Variants in IL1RAPL2 observed in about 807,000 individuals in gnomAD.
IL1RAPL2 encodes interleukin 1 receptor accessory protein like 2.
In IL1RAPL2, 3 loss-of-function variants were observed where a neutral mutation model predicts 44.1. The ratio of observed to expected loss-of-function variants is 0.07; its 90% CI spans 0.03 to 0.18. IL1RAPL2 has a LOEUF of 0.18. IL1RAPL2 is among the 10% of genes least tolerant of loss of function. The probability of loss-of-function intolerance (pLI) is 1.00; values close to 1 mark genes in which losing one functional copy is unlikely to be tolerated. For missense variants in IL1RAPL2, 391 were observed against 496.4 expected, an observed-to-expected ratio of 0.79 and a Z score of 2.02; for synonymous variants, 181 against 178.8, an observed-to-expected ratio of 1.01 and a Z score of -0.10.
chrX:105,167,377 C>A (rs941804937), intron 2 of IL1RAPL2, among the ~76,000 whole-genome samples: 1 of 112,218 alleles, frequency 8.9e-6, no homozygotes, highest in African/African-American at 3.2e-5. Flanking sequence ...GATATTTTTA[C>A]CTTTACTTGG....
At chrX:105,309,523 GGAGTTT>G (rs1379479317) in intron 5 of IL1RAPL2, among the ~76,000 whole-genome samples, 4 of 107,306 alleles carry the variant, frequency 3.7e-5, no homozygotes, top group African/African-American at 1.4e-4. Context: ...CCTGAGGTCA[GGAGTTT>G]GAGACCAGCC....
chrX:105,287,825 A>G (rs1257562222), intron 5 of IL1RAPL2, among the ~76,000 whole-genome samples: 1 of 111,595 alleles, frequency 9.0e-6, no homozygotes, highest in Non-Finnish European at 1.9e-5. Context: ...GACAAGGTTC[A>G]TTCAATCACA....
chrX:104,763,591 G>A (rs747591368), intron 2 of IL1RAPL2, among the ~76,000 whole-genome samples: 7 of 111,690 alleles, frequency 6.3e-5, no homozygotes, highest in Non-Finnish European at 1.3e-4. Context: ...CCCAGATTGG[G>A]TAATTTATAA....
chrX:105,398,465 C>T (rs1032845841), intron 5 of IL1RAPL2, among the ~76,000 whole-genome samples: 1 of 110,649 alleles, frequency 9.0e-6, no homozygotes, highest in Admixed American at 9.7e-5. Context: ...GAGAAAAATC[C>T]GATCTAAAGA....
intron 2 of IL1RAPL2, among the ~76,000 whole-genome samples, chrX:104,750,454 A>G (rs1287671208): frequency 1.8e-5 from 2 of 110,751 alleles, no homozygotes; most frequent in African/African-American, 3.3e-5. Context: ...AAAAACTCCC[A>G]CAAGTCAGAT....
At chrX:104,979,579 G>C (rs1005904094) in intron 2 of IL1RAPL2, among the ~76,000 whole-genome samples, 6 of 112,060 alleles carry the variant, frequency 5.4e-5, no homozygotes, top group African/African-American at 1.6e-4. Flanking sequence ...CAATACAAAA[G>C]AGTATGAACA....
rs1255112731 is a variant in IL1RAPL2, at chrX:105,299,715, G to A, written c.697+32174G>A. ...AGAAATCCTACCTATAGGAACAATG[G>A]GGTGCAAATGGTCAGTTATCTAATG... On this transcript the variant is annotated intron_variant, in intron 5 of 10. Transcript: ENST00000372582. Among the ~76,000 whole-genome samples the A allele has an allele frequency of 3.6e-5, 4 of 111,788 alleles. No individual in the cohort carries two copies. In the Admixed American group the frequency reaches 3.8e-4, roughly 11 times the overall value.
chrX:105,497,397 C>T (rs2036363459), intron 6 of IL1RAPL2, among the ~76,000 whole-genome samples: 1 of 110,936 alleles, frequency 9.0e-6, no homozygotes, highest in Non-Finnish European at 1.9e-5. Flanking sequence ...AGTAATAAAA[C>T]CCCCCAACAA....
At chrX:104,989,070 G>A (rs1032979010) in intron 2 of IL1RAPL2, among the ~76,000 whole-genome samples, 4 of 111,712 alleles carry the variant, frequency 3.6e-5, no homozygotes, top group Non-Finnish European at 5.6e-5. Flanking sequence ...AGAAAAGCCT[G>A]GGGTAACCTT....
At chrX:105,412,759 T>C (rs771443043) in intron 5 of IL1RAPL2, among the ~76,000 whole-genome samples, 1 of 111,935 alleles carries the variant, frequency 8.9e-6, no homozygotes, top group East Asian at 2.8e-4. Context: ...GATTTGATTA[T>C]TATACAACAT....
At chrX:105,571,769 T>G (rs2037015818) in intron 6 of IL1RAPL2, among the ~76,000 whole-genome samples, 1 of 111,480 alleles carries the variant, frequency 9.0e-6, no homozygotes, top group Non-Finnish European at 1.9e-5. Flanking sequence ...TCAGATCTGT[T>G]TCTGTACATG....
intron 1 of IL1RAPL2, among the ~76,000 whole-genome samples, chrX:104,613,629 G>T (rs917686063): frequency 1.6e-4 from 18 of 109,972 alleles, no homozygotes; most frequent in Non-Finnish European, 2.7e-4. Flanking sequence ...GTAGTTTTTT[G>T]TTGTTGTTGT....
intron 1 of IL1RAPL2, among the ~76,000 whole-genome samples, chrX:104,579,627 C>G (rs1378657438): frequency 9.0e-6 from 1 of 111,258 alleles, no homozygotes; most frequent in Non-Finnish European, 1.9e-5. Context: ...GGGAGAGGAT[C>G]AGAAAAAAAT....
At chrX:105,393,322 G>A (rs2035540509) in intron 5 of IL1RAPL2, among the ~76,000 whole-genome samples, 1 of 111,017 alleles carries the variant, frequency 9.0e-6, no homozygotes, top group African/African-American at 3.3e-5. Flanking sequence ...GGTGGGATCA[G>A]TCATTTGCCA....
At chrX:105,330,002 A>G (rs537277115) in intron 5 of IL1RAPL2, among the ~76,000 whole-genome samples, 1 of 111,259 alleles carries the variant, frequency 9.0e-6, no homozygotes, top group South Asian at 3.8e-4. Flanking sequence ...GAGTGTTGCT[A>G]CCAAATGTAT....
At chrX:105,046,527 T>C (rs2031838736) in intron 2 of IL1RAPL2, among the ~76,000 whole-genome samples, 2 of 111,809 alleles carry the variant, frequency 1.8e-5, no homozygotes, top group Non-Finnish European at 1.9e-5. Context: ...TTTTGCTTCC[T>C]AGTGAATCTA....
chrX:105,424,466 G>A (rs2035794908), intron 5 of IL1RAPL2, among the ~76,000 whole-genome samples: 1 of 110,754 alleles, frequency 9.0e-6, no homozygotes, highest in South Asian at 4.0e-4. Context: ...TTTGCCCTAA[G>A]TAGTTCCCAG....
chrX:105,690,401 A>C (rs982316812), intron 6 of IL1RAPL2, among the ~76,000 whole-genome samples: 2 of 111,536 alleles, frequency 1.8e-5, no homozygotes, highest in African/African-American at 3.3e-5. Flanking sequence ...CATTCTTCAT[A>C]ATCTTCAACC....
intron 2 of IL1RAPL2, among the ~76,000 whole-genome samples, chrX:104,809,879 A>G (rs762316911): frequency 1.8e-5 from 2 of 111,350 alleles, no homozygotes; most frequent in South Asian, 3.8e-4. Context: ...ATCTAGAACT[A>G]GAAATACCAT....
Sources: allele counts gnomAD v4.1 joint callset (sites outside exome capture counted in the v4.1 genomes callset), GRCh38; gene constraint gnomAD v4.1.1; transcripts MANE v1.5; gene names NCBI Gene and HGNC (gene_info 2026-07-23, HGNC 2026-07-21).